Variants in HMGXB3 observed in about 807,000 individuals in gnomAD.
The protein encoded by HMGXB3 is HMG domain-containing protein 3.
In HMGXB3, 45 loss-of-function variants were observed where a neutral mutation model predicts 121.5. The observed-to-expected ratio is 0.37, with a 90% CI of 0.29 to 0.47. The LOEUF is 0.47. Among genes scored for constraint, HMGXB3 ranks in the 20% least tolerant of loss-of-function variants. The probability of loss-of-function intolerance (pLI) is 0.99; values close to 1 mark genes in which losing one functional copy is unlikely to be tolerated. For synonymous variants in HMGXB3, 590 were observed against 624.1 expected (o/e 0.95, Z 0.81); for missense variants, 1,376 against 1,602.2 (o/e 0.86, Z 2.41).
chr5:150,050,231 C>T, intron 18 of HMGXB3, 21 bp from the exon 19 acceptor site: 2 of 1,546,274 alleles, frequency 1.3e-6, no homozygotes, highest in Non-Finnish European at 1.8e-6. Flanking sequence ...AACCCTGCGC[C>T]CCCCACCCTT....
rs1203886454 is a variant in HMGXB3, at chr5:150,028,541, G to GTGTA, written c.1734+1425_1734+1426insGTAT. On this transcript the variant is annotated intron_variant, in intron 9 of 19. Transcript: ENST00000502717. ...TGTGTGTGTGTGTGTGTGTGTGTGT[G>GTGTA]TATATATATATATATATATTTTTTT... Among the ~76,000 whole-genome samples, 416 of 42,052 alleles carry GTGTA rather than the reference G, an allele frequency of 9.9e-3. 12 individuals carry two copies. Among genetic ancestry groups the GTGTA allele is most frequent in the South Asian group, 0.014 (17 of 1,218 alleles). The allele number at this position is 42,052 out of a possible 152,430, so 27.6% of individuals were successfully genotyped here.
At chr5:150,041,023 T>C in intron 14 of HMGXB3, 144 bp downstream of exon 14, 1 of 818,940 alleles carries the variant, frequency 1.2e-6, no homozygotes, top group Non-Finnish European at 1.8e-6. Context: ...TAATACACTC[T>C]TCCTTTTGAA....
chr5:150,041,614 C>T (rs1756636505), intron 14 of HMGXB3, among the ~76,000 whole-genome samples, 171 bp from the exon 15 acceptor site: 1 of 152,228 alleles, frequency 6.6e-6, no homozygotes, highest in African/African-American at 2.4e-5. Flanking sequence ...TGGGTTGCCA[C>T]CTGAGCACTT....
chr5:150,047,535 G>A (rs1756786333), intron 16 of HMGXB3, 89 bp from the exon 17 acceptor site: 3 of 1,480,786 alleles, frequency 2.0e-6, no homozygotes, highest in Non-Finnish European at 1.8e-6. Context: ...TGCAGAGCTG[G>A]CTTCCACTGT....
intron 13 of HMGXB3, among the ~76,000 whole-genome samples, chr5:150,040,256 T>A (rs1256815125): frequency 6.6e-6 from 1 of 151,582 alleles, no homozygotes; most frequent in Non-Finnish European, 1.5e-5. Flanking sequence ...TACTTCTTTT[T>A]AAAAAAAAAT....
intron 14 of HMGXB3, 102 bp downstream of exon 14, chr5:150,040,981 ATT>A (rs1351430363): frequency 8.8e-7 from 1 of 1,141,198 alleles, no homozygotes; most frequent in Non-Finnish European, 1.2e-6. Context: ...GAAGAGTCTG[ATT>A]ATTTTGAAAA....
chr5:150,010,600 G>A lies in HMGXB3; in HGVS notation c.802G>A (p.Val268Ile). The part of the protein sequence containing the change: ...QVGESVSVVT[V>I]MRDSSESSSS... ...TGGGGAGAGTGTATCAGTGGTAACAGTCATGAGGGTAAGTGGCTTTGGTAC... is the reference window on the plus strand; with the variant it reads ...TGGGGAGAGTGTATCAGTGGTAACAATCATGAGGGTAAGTGGCTTTGGTAC... Residue 268 changes from valine (V) to isoleucine (I), a missense_variant, in exon 4 of 20, where the codon GTC becomes ATC. Transcript: ENST00000502717. The A allele has an allele frequency of 6.5e-7, 1 of 1,550,102 alleles. No individual in the cohort carries two copies. The highest frequency in any genetic ancestry group is 8.7e-7 in the Non-Finnish European group (1 of 1,146,342).
At position 150,018,571 on chromosome 5, in the gene HMGXB3, T is replaced by C; in HGVS notation, c.915T>C (p.Thr305=). 2 of 1,547,914 alleles carry C rather than the reference T, an allele frequency of 1.3e-6. No homozygotes were observed. The highest frequency in any genetic ancestry group is 1.2e-5 in the South Asian group (1 of 82,988). The part of the protein sequence containing the change: ...VENPTSIKLT[T]TYTRRGHGTC... ...GATGTGCTCTTTATTTACAGACCAC[T>C]ACATATACCCGCCGGGGCCATGGGA... Residue 305 remains threonine (T), a synonymous_variant, in exon 6 of 20, where the codon ACT becomes ACC. Transcript: ENST00000502717.
At chr5:150,022,804 C>G (rs1581253756) in intron 6 of HMGXB3, among the ~76,000 whole-genome samples, 1 of 148,542 alleles carries the variant, frequency 6.7e-6, no homozygotes, top group East Asian at 2.0e-4. Context: ...TAAGAGGTCA[C>G]CTGTTACTGG....
At chr5:150,004,543 T>A (rs1014212230) in intron 1 of HMGXB3, among the ~76,000 whole-genome samples, 93 of 152,296 alleles carry the variant, frequency 6.1e-4, no homozygotes, top group African/African-American at 2.1e-3. Context: ...CTGTATCCCA[T>A]GAATATAAGT....
At chr5:150,012,215 T>C in intron 4 of HMGXB3, 40 bp from the exon 5 acceptor site, 1 of 1,428,326 alleles carries the variant, frequency 7.0e-7, no homozygotes, top group Middle Eastern at 1.7e-4. Flanking sequence ...TCTTTATTAC[T>C]CTGTTTCAGT....
Position 150,040,815 on chromosome 5 carries a change from C to G in HMGXB3, c.2481C>G (p.Ile827Met). 1.3e-6 allele frequency: 2 copies of G among 1,551,938 alleles called. No individual in the cohort carries two copies. The highest frequency in any genetic ancestry group is 2.4e-5 in the East Asian group (1 of 40,916). ...LDLLFAIRNQ[I>M]KLGEDPRVSI... ...TGCTTTTTGCAATCAGAAATCAGAT[C>G]AAGCTCGGAGAGGACCCCAGAGTGT... The change falls in exon 14 of 20, where the codon ATC becomes ATG. Residue 827 changes from isoleucine (I) to methionine (M), a missense_variant. By Grantham distance (10) the Ile-to-Met change is conservative (BLOSUM62 1). Transcript: ENST00000502717.
intron 16 of HMGXB3, among the ~76,000 whole-genome samples, chr5:150,046,074 A>G (rs994101991): frequency 6.6e-6 from 1 of 152,160 alleles, no homozygotes; most frequent in Non-Finnish European, 1.5e-5. Flanking sequence ...AGTTTTATGG[A>G]TTAGACATTG....
At chr5:150,035,919 C>T (rs1286827290) in intron 11 of HMGXB3, among the ~76,000 whole-genome samples, 1 of 151,940 alleles carries the variant, frequency 6.6e-6, no homozygotes, top group East Asian at 1.9e-4. Flanking sequence ...TGTATCAAAA[C>T]TATCATTCAT....
In HMGXB3 at chr5:150,052,522, G is replaced by A; in HGVS notation, c.*330G>A. 1 of 292,924 alleles carries A rather than the reference G, an allele frequency of 3.4e-6. No homozygotes were observed. Among genetic ancestry groups the A allele is most frequent in the South Asian group, 5.7e-5 (1 of 17,528 alleles). The allele number at this position is 292,924 out of a possible 1,614,324, so 18.1% of individuals were successfully genotyped here. A position where few individuals can be genotyped will look rare whatever the true frequency, so the allele number is the denominator to read the frequency against. ...GGCCTGCGGTGTGGGTCAGGGTGGA[G>A]GTCCTGGGTGGGCTAAGGCGTGAGC... On this transcript the variant is annotated 3_prime_UTR_variant, in exon 20 of 20. Transcript: ENST00000502717.
chr5:150,045,935 A>G (rs1756746004), intron 16 of HMGXB3, among the ~76,000 whole-genome samples: 1 of 152,166 alleles, frequency 6.6e-6, no homozygotes, highest in Admixed American at 6.5e-5. Context: ...TGGGATACAC[A>G]CACTGAGTAG....
intron 4 of HMGXB3, among the ~76,000 whole-genome samples, chr5:150,010,817 A>C (rs761720616): frequency 5.3e-5 from 8 of 152,250 alleles, no homozygotes; most frequent in Non-Finnish European, 1.0e-4. Context: ...CTCTTTGCCC[A>C]GCTTAGCCAG....
At chr5:150,014,405 C>T (rs1213937582) in intron 5 of HMGXB3, among the ~76,000 whole-genome samples, 6 of 152,312 alleles carry the variant, frequency 3.9e-5, no homozygotes, top group Non-Finnish European at 5.9e-5. Flanking sequence ...TCATAACAGG[C>T]ACAATCTGAA....
In HMGXB3 at chr5:150,024,550, G is replaced by C; in HGVS notation, c.1330G>C (p.Val444Leu). 1 of 1,551,730 alleles carries C rather than the reference G, an allele frequency of 6.4e-7. No individual in the cohort carries two copies. The highest frequency in any genetic ancestry group is 2.4e-5 in the East Asian group (1 of 40,918). ...TACAGCAGTCACTAAGACGCCAGTC[G>C]TCAAAAGTGGTGTGCAGCCTGAGGT... ...CGTAVTKTPVVKSGVQPEVTL... is the reference protein window; with the variant it reads ...CGTAVTKTPVLKSGVQPEVTL... The change falls in exon 7 of 20, where the codon GTC becomes CTC. Residue 444 changes from valine to leucine, a missense_variant. Val to Leu is a conservative substitution (Grantham distance 32). This residue lies in a region of HMGXB3 where 1,116 missense variants were observed against 1,369.0 expected (regional missense o/e 0.82). Coordinates refer to ENST00000502717, the MANE Select transcript of HMGXB3 (RefSeq NM_014983.3).
Sources: gnomAD v4.1 joint callset for allele counts (sites outside exome capture counted in the v4.1 genomes callset) on GRCh38, gnomAD v4.1.1 for gene constraint, gnomAD v4.1.1 regional missense constraint, MANE v1.5 for transcripts, NCBI Gene and HGNC (gene_info 2026-07-23, HGNC 2026-07-21) for gene names.